The following NELL2 variants were observed in gnomAD, a reference collection of about 807,000 sequenced individuals.
NELL2 encodes protein kinase C-binding protein NELL2.
A neutral mutation model predicts 109.6 loss-of-function variants in NELL2; 41 were observed. The observed-to-expected ratio is 0.37, with a 90% CI of 0.29 to 0.49. NELL2 has a LOEUF of 0.49. Ranked by LOEUF, NELL2 falls within the 20% of genes least tolerant of loss-of-function variation. NELL2 has a pLI of 0.98. For missense variants in NELL2, 900 were observed against 1,008.3 expected (o/e 0.89, Z 1.45); for synonymous variants, 355 against 344.7 (o/e 1.03, Z -0.33).
intron 15 of NELL2, among the ~76,000 whole-genome samples, chr12:44,564,216 C>T (rs149483965): frequency 4.6e-5 from 7 of 152,208 alleles, no homozygotes; most frequent in East Asian, 1.9e-4. Context: ...TAGGGGAATG[C>T]TATTAATATA....
At position 44,815,777 on chromosome 12, in the gene NELL2, C is replaced by G. The variant is rs943851682; in HGVS notation, c.335+209G>C. Reference sequence around the variant, plus strand: ...GGGACTACAGGCGCGCGCCACCAAGCCCAGCTAATTTTTGTATTTTTAGAA... The same window carrying G: ...GGGACTACAGGCGCGCGCCACCAAGGCCAGCTAATTTTTGTATTTTTAGAA... On this transcript the variant is annotated intron_variant, in intron 3 of 19. Coordinates refer to ENST00000429094, the MANE Select transcript of NELL2 (RefSeq NM_001145108.2). The G allele has an allele frequency of 2.9e-5, 13 of 443,074 alleles. No homozygotes were observed. In the Admixed American group the frequency reaches 5.1e-4, roughly 17 times the overall value. The allele number at this position is 443,074 out of a possible 1,614,324, so 27.4% of individuals were successfully genotyped here.
chr12:44,661,248 T>A (rs886654004), intron 13 of NELL2, among the ~76,000 whole-genome samples: 2 of 152,188 alleles, frequency 1.3e-5, no homozygotes, highest in Non-Finnish European at 2.9e-5. Context: ...GGGGGCAAGA[T>A]GTTGGAGGTG....
At chr12:44,800,139 A>G (rs1176849587) in intron 3 of NELL2, among the ~76,000 whole-genome samples, 2 of 152,220 alleles carry the variant, frequency 1.3e-5, no homozygotes, top group African/African-American at 2.4e-5. Flanking sequence ...CATATAAGAC[A>G]CTACTATGTA....
intron 7 of NELL2, 116 bp downstream of exon 7, chr12:44,776,926 G>C: frequency 2.4e-6 from 2 of 824,724 alleles, no homozygotes; most frequent in South Asian, 3.1e-5. Flanking sequence ...TTCAGTCCTA[G>C]CAAACAGTAT....
intron 13 of NELL2, among the ~76,000 whole-genome samples, chr12:44,664,582 T>C (rs1019300850): frequency 6.6e-6 from 1 of 152,096 alleles, no homozygotes; most frequent in East Asian, 1.9e-4. Flanking sequence ...TTATGGAGTC[T>C]CTTTCCCTGA....
intron 2 of NELL2, among the ~76,000 whole-genome samples, chr12:44,871,422 T>C (rs978657568): frequency 3.3e-5 from 5 of 152,196 alleles, no homozygotes; most frequent in Non-Finnish European, 7.4e-5. Flanking sequence ...AATAACTTAT[T>C]TGAAAGAATG....
chr12:44,742,795 A>T (rs1039455779), intron 9 of NELL2, among the ~76,000 whole-genome samples: 1 of 152,242 alleles, frequency 6.6e-6, no homozygotes, highest in Non-Finnish European at 1.5e-5. Flanking sequence ...AGAAAATGGG[A>T]CTACGTGAAA....
At position 44,564,559 on chromosome 12, in the gene NELL2, A is replaced by G. The variant is rs144391865; in HGVS notation, c.1664-31838T>C. On this transcript the variant is annotated intron_variant, in intron 15 of 19. Coordinates refer to ENST00000429094, the MANE Select transcript of NELL2 (RefSeq NM_001145108.2). ...CTAGGCCCTGAGGGCATAAAGATAC[A>G]GTTGTGCCCTATTAGACTCACATCT... Among the ~76,000 whole-genome samples, 748 of 152,332 alleles carry G rather than the reference A, an allele frequency of 4.9e-3. 12 individuals are homozygous for G. Among genetic ancestry groups the G allele is most frequent in the African/African-American group, 0.017 (700 of 41,574 alleles).
intron 7 of NELL2, among the ~76,000 whole-genome samples, chr12:44,776,356 C>T (rs1241834331): frequency 1.3e-5 from 2 of 151,968 alleles, no homozygotes; most frequent in Non-Finnish European, 2.9e-5. Flanking sequence ...TAAATTTGCT[C>T]CCTGCCTTAG....
intron 13 of NELL2, among the ~76,000 whole-genome samples, chr12:44,614,343 A>G (rs1214243543): frequency 6.6e-6 from 1 of 152,048 alleles, no homozygotes; most frequent in Non-Finnish European, 1.5e-5. Flanking sequence ...TATCGAAGGA[A>G]GACACCATCA....
At chr12:44,858,945 A>G (rs1209650345) in intron 2 of NELL2, among the ~76,000 whole-genome samples, 1 of 152,164 alleles carries the variant, frequency 6.6e-6, no homozygotes, top group East Asian at 1.9e-4. Context: ...ATTTTTGCAA[A>G]CACAAACAAC....
chr12:44,851,248 C>G (rs1944526509), intron 2 of NELL2, among the ~76,000 whole-genome samples: 1 of 152,022 alleles, frequency 6.6e-6, no homozygotes, highest in African/African-American at 2.4e-5. Flanking sequence ...GTCTTCCAAA[C>G]TCACCCACCC....
chr12:44,536,744 T>C lies in NELL2; in HGVS notation c.1664-4023A>G, dbSNP rs1365006814. 3.3e-5 allele frequency among the ~76,000 whole-genome samples: 5 copies of C among 151,936 alleles called. No individual in the cohort carries two copies. In the East Asian group the frequency reaches 9.6e-4, roughly 29 times the overall value. On this transcript the variant is annotated intron_variant, in intron 15 of 19. Coordinates refer to ENST00000429094, the MANE Select transcript of NELL2 (RefSeq NM_001145108.2). The stretch of plus-strand genomic sequence containing the variant: ...ATATTCTGTCTTAGAAAGGAACTAG[T>C]TCCTTAGAACATTTTCAGTAACCAC...
chr12:44,546,564 A>G (rs1296371256), intron 15 of NELL2, among the ~76,000 whole-genome samples: 1 of 152,206 alleles, frequency 6.6e-6, no homozygotes, highest in Admixed American at 6.5e-5. Flanking sequence ...TTTCTTAAAC[A>G]CAGGTTTGCT....
At chr12:44,861,364 T>C (rs895865352) in intron 2 of NELL2, among the ~76,000 whole-genome samples, 3 of 152,096 alleles carry the variant, frequency 2.0e-5, no homozygotes, top group Non-Finnish European at 2.9e-5. Flanking sequence ...TCCAAACCCA[T>C]TCTAGTGCCA....
chr12:44,557,779 T>G (rs1235767769), intron 15 of NELL2, among the ~76,000 whole-genome samples: 1 of 151,686 alleles, frequency 6.6e-6, no homozygotes, highest in African/African-American at 2.4e-5. Flanking sequence ...AATGAGAGGA[T>G]GGAATTGTAA....
chr12:44,616,104 A>C (rs11182562), intron 13 of NELL2, among the ~76,000 whole-genome samples: 70,217 of 151,776 alleles, frequency 0.46, 17,410 homozygotes, highest in African/African-American at 0.65. Flanking sequence ...CTGGATAATT[A>C]TGCTTCATTC....
intron 15 of NELL2, among the ~76,000 whole-genome samples, chr12:44,570,650 G>A (rs988750733): frequency 6.6e-6 from 1 of 152,020 alleles, no homozygotes; most frequent in Non-Finnish European, 1.5e-5. Flanking sequence ...TTACAATTTG[G>A]GGTGTTGGCT....
At chr12:44,627,252 A>T (rs1946299247) in intron 13 of NELL2, among the ~76,000 whole-genome samples, 2 of 152,206 alleles carry the variant, frequency 1.3e-5, no homozygotes, top group Admixed American at 1.3e-4. Flanking sequence ...TTAGAGCCCA[A>T]ATCTAAGTGG....
Sources: gnomAD v4.1 joint callset for allele counts (sites outside exome capture counted in the v4.1 genomes callset) on GRCh38, gnomAD v4.1.1 for gene constraint, MANE v1.5 for transcripts, NCBI Gene and HGNC (gene_info 2026-07-23, HGNC 2026-07-21) for gene names.